PDE4D: variants seen among roughly 807,000 people sequenced by gnomAD.
The protein encoded by PDE4D is phosphodiesterase 4D, also known as 3',5'-cyclic-AMP phosphodiesterase 4D.
PDE4D carries 24 observed loss-of-function variants against 87.4 expected under a neutral mutation model. That is an observed-to-expected ratio of 0.27 (90% CI 0.20 to 0.39). The LOEUF is 0.39. Ranked by LOEUF, PDE4D falls within the 10% of genes least tolerant of loss-of-function variation. The pLI, the probability that PDE4D is intolerant of heterozygous loss-of-function variation, is 1.00. For missense variants in PDE4D, 714 were observed against 1,041.0 expected (o/e 0.69, Z 4.32); for synonymous variants, 384 against 383.2 (o/e 1.00, Z -0.02).
At chr5:59,646,654 C>T (rs149499096) in intron 1 of PDE4D, among the ~76,000 whole-genome samples, 38 of 152,204 alleles carry the variant, frequency 2.5e-4, no homozygotes, top group East Asian at 1.5e-3. Context: ...ACGTTTTGAA[C>T]GCTTGTTTGG....
chr5:59,250,052 C>G (rs1191124156), intron 1 of PDE4D, among the ~76,000 whole-genome samples: 3 of 151,608 alleles, frequency 2.0e-5, no homozygotes, highest in Non-Finnish European at 2.9e-5. Context: ...GCTTTGTTGC[C>G]AGGCTGGTCT....
intron 2 of PDE4D, among the ~76,000 whole-genome samples, chr5:60,106,243 G>A (rs545762300): frequency 6.6e-6 from 1 of 151,590 alleles, no homozygotes; most frequent in Admixed American, 6.6e-5. Flanking sequence ...AACCAACAAA[G>A]ATCAAAAGAG....
intron 1 of PDE4D, among the ~76,000 whole-genome samples, chr5:60,289,104 G>T (rs995685445): frequency 2.6e-5 from 4 of 152,150 alleles, no homozygotes; most frequent in African/African-American, 9.6e-5. Flanking sequence ...CTAAAAGAAG[G>T]TTGTTCTAAA....
intron 1 of PDE4D, among the ~76,000 whole-genome samples, chr5:59,809,465 G>C (rs1467164904): frequency 6.6e-6 from 1 of 152,092 alleles, no homozygotes; most frequent in Non-Finnish European, 1.5e-5. Context: ...AGAAAATCAA[G>C]AAAAAGAAGA....
At chr5:60,125,351 C>A (rs1779040874) in intron 2 of PDE4D, among the ~76,000 whole-genome samples, 1 of 152,100 alleles carries the variant, frequency 6.6e-6, no homozygotes, top group Non-Finnish European at 1.5e-5. Flanking sequence ...TGAAATCTAC[C>A]TTAGAAATAT....
chr5:59,659,573 G>A (rs1345666159), intron 1 of PDE4D, among the ~76,000 whole-genome samples: 1 of 152,240 alleles, frequency 6.6e-6, no homozygotes, highest in Non-Finnish European at 1.5e-5. Context: ...TCGTAGGTAA[G>A]AAGTCTTAAG....
chr5:59,550,694 T>G (rs999974244), intron 1 of PDE4D, among the ~76,000 whole-genome samples: 3 of 130,968 alleles, frequency 2.3e-5, no homozygotes, highest in African/African-American at 8.4e-5. Flanking sequence ...CCTTATTAAT[T>G]TCTAAGAATT....
intron 2 of PDE4D, among the ~76,000 whole-genome samples, chr5:60,128,575 G>T (rs1047245856): frequency 3.9e-5 from 6 of 152,216 alleles, no homozygotes; most frequent in African/African-American, 1.4e-4. Flanking sequence ...CAGGTGTCTG[G>T]GTGACCAGGT....
intron 1 of PDE4D, among the ~76,000 whole-genome samples, chr5:59,218,740 G>A (rs1167873480): frequency 6.6e-6 from 1 of 151,900 alleles, no homozygotes; most frequent in Non-Finnish European, 1.5e-5. Context: ...AAAAAACAAA[G>A]TTCACAATGT....
chr5:59,779,637 A>G (rs1293996103), intron 1 of PDE4D, among the ~76,000 whole-genome samples: 2 of 152,212 alleles, frequency 1.3e-5, no homozygotes. Context: ...TTAATGATCA[A>G]TCAGCAATTT....
intron 1 of PDE4D, among the ~76,000 whole-genome samples, chr5:59,816,979 G>C (rs894105315): frequency 6.6e-6 from 1 of 152,140 alleles, no homozygotes; most frequent in South Asian, 2.1e-4. Flanking sequence ...GCATTGATTC[G>C]TGGAGGGCAG....
At chr5:59,289,056 CTGT>C (rs1405218205) in intron 1 of PDE4D, among the ~76,000 whole-genome samples, 1 of 152,026 alleles carries the variant, frequency 6.6e-6, no homozygotes, top group African/African-American at 2.4e-5. Context: ...TATTATAACA[CTGT>C]TATTATAGTA....
rs150836372 is a variant in PDE4D at position 59,674,386 on chromosome 5, C to G, written c.455+218782G>C. 2.9e-3 allele frequency among the ~76,000 whole-genome samples: 434 copies of G among 152,248 alleles called. 5 individuals are homozygous for G. Among genetic ancestry groups the G allele is most frequent in the African/African-American group, 0.01 (416 of 41,536 alleles). On this transcript the variant is annotated intron_variant, in intron 1 of 14. Transcript: ENST00000340635. ...CGCCACTACTCACCCAACCCTCGCC[C>G]CCACCAGCACAATGCCTAGCATGTC... is the stretch of plus-strand genomic sequence containing the variant.
At chr5:60,521,285 C>CA (rs1751028991) in intron 1 of PDE4D, 3 of 152,006 alleles carry the variant, frequency 2.0e-5, no homozygotes, top group Admixed American at 2.0e-4. Flanking sequence ...GTCTGAGACA[C>CA]AAAAAAGGAC....
intron 2 of PDE4D, among the ~76,000 whole-genome samples, chr5:60,099,082 T>C (rs1775979628): frequency 6.6e-6 from 1 of 151,990 alleles, no homozygotes; most frequent in South Asian, 2.1e-4. Flanking sequence ...ATTATTCTTA[T>C]GTGGCAGTTT....
intron 2 of PDE4D, among the ~76,000 whole-genome samples, chr5:60,019,082 G>C (rs1257637103): frequency 6.6e-6 from 1 of 152,116 alleles, no homozygotes; most frequent in African/African-American, 2.4e-5. Context: ...CACATAATTG[G>C]AAGTAAAACA....
intron 1 of PDE4D, among the ~76,000 whole-genome samples, chr5:59,609,117 A>G (rs1017785107): frequency 1.3e-5 from 2 of 152,164 alleles, no homozygotes; most frequent in African/African-American, 4.8e-5. Context: ...AGCAATTTAC[A>G]TGATTGAAGA....
chr5:60,268,215 C>G (rs766092677), intron 1 of PDE4D, among the ~76,000 whole-genome samples: 2 of 152,100 alleles, frequency 1.3e-5, no homozygotes, highest in East Asian at 1.9e-4. Context: ...AGAAAAAAAG[C>G]CTTCATCATG....
At chr5:59,556,637 T>C (rs1282187334) in intron 1 of PDE4D, among the ~76,000 whole-genome samples, 1 of 152,194 alleles carries the variant, frequency 6.6e-6, no homozygotes, top group Admixed American at 6.5e-5. Context: ...AGCATTTCTT[T>C]TGTTTTCCTG....
Sources: allele counts gnomAD v4.1 joint callset (sites outside exome capture counted in the v4.1 genomes callset), GRCh38; gene constraint gnomAD v4.1.1; transcripts MANE v1.5; gene names NCBI Gene and HGNC (gene_info 2026-07-23, HGNC 2026-07-21).